PDZD2: variants seen among roughly 807,000 people sequenced by gnomAD.
PDZD2 encodes the protein PDZ domain containing 2.
A neutral mutation model predicts 220.7 loss-of-function variants in PDZD2; 90 were observed. That is an observed-to-expected ratio of 0.41 (90% confidence interval 0.34 to 0.49). The LOEUF (loss-of-function observed/expected upper bound fraction) is 0.49. Ranked by LOEUF, PDZD2 falls within the 20% of genes least tolerant of loss-of-function variation. The pLI, the probability that PDZD2 is intolerant of heterozygous loss-of-function variation, is 0.28. For synonymous variants in PDZD2, 1,375 were observed against 1,450.5 expected (o/e 0.95, Z 1.18); for missense variants, 3,174 against 3,608.5 (o/e 0.88, Z 3.08).
At chr5:32,101,294 T>G in intron 24 of PDZD2, 55 bp downstream of exon 24, 1 of 1,472,444 alleles carries the variant, frequency 6.8e-7, no homozygotes, top group Non-Finnish European at 9.2e-7. Flanking sequence ...TTTCCATGGA[T>G]GTCTCAATGA....
At chr5:31,699,002 G>A (rs745541888) in intron 1 of PDZD2, among the ~76,000 whole-genome samples, 50 of 152,160 alleles carry the variant, frequency 3.3e-4, no homozygotes, top group Admixed American at 2.2e-3. Context: ...AACCTGCTTT[G>A]GGGTTTGGTA....
intron 2 of PDZD2, among the ~76,000 whole-genome samples, chr5:31,808,742 T>C (rs1754893930): frequency 6.6e-6 from 1 of 152,126 alleles, no homozygotes; most frequent in African/African-American, 2.4e-5. Context: ...TTGGGGAGGC[T>C]GAGGCGGGTG....
intron 2 of PDZD2, chr5:31,840,795 T>C: frequency 6.3e-6 from 5 of 799,518 alleles, no homozygotes; most frequent in South Asian, 5.3e-5. Context: ...TCTTCCCGTT[T>C]TGCCATGGTG....
chr5:32,021,369 A>G (rs779800388), intron 6 of PDZD2, among the ~76,000 whole-genome samples: 1 of 151,902 alleles, frequency 6.6e-6, no homozygotes. Flanking sequence ...GGTTTAAGCA[A>G]TTCTCTTGTC....
chr5:32,067,514 C>T (rs1050321252), intron 14 of PDZD2, among the ~76,000 whole-genome samples: 7 of 152,192 alleles, frequency 4.6e-5, no homozygotes, highest in African/African-American at 1.7e-4. Flanking sequence ...TACCGTAAAG[C>T]ATTACATAAA....
At position 32,074,489 on chromosome 5, in the gene PDZD2, G is replaced by T; in HGVS notation, c.3383G>T (p.Cys1128Phe). Residue 1128 changes from cysteine (C) to phenylalanine (F), a missense_variant, in exon 18 of 25, where the codon TGC (cysteine) becomes TTC (phenylalanine). Transcript: ENST00000438447. ...CCAGTGGCCAGGGTAAGCCCCCACT[G>T]CAAGAGATCCGAGGCTGAGGCCAAG... Reference protein sequence around the residue: ...HRPVARVSPHCKRSEAEAKPS... With the variant: ...HRPVARVSPHFKRSEAEAKPS... The T allele has an allele frequency of 6.2e-7, 1 of 1,614,122 alleles. No individual in the cohort carries two copies. Among genetic ancestry groups the T allele is most frequent in the Non-Finnish European group, 8.5e-7 (1 of 1,179,940 alleles).
At chr5:31,823,465 C>A (rs1416884680) in intron 2 of PDZD2, among the ~76,000 whole-genome samples, 1 of 152,026 alleles carries the variant, frequency 6.6e-6, no homozygotes. Flanking sequence ...GAGACTCTGT[C>A]TCAAAACACA....
At chr5:31,787,678 A>C (rs1165724449) in intron 1 of PDZD2, 1 of 151,652 alleles carries the variant, frequency 6.6e-6, no homozygotes, top group Non-Finnish European at 1.5e-5. Context: ...GCCTGCCTTG[A>C]TGTTCATTTC....
chr5:31,986,118 A>G (rs981941851), intron 3 of PDZD2, among the ~76,000 whole-genome samples: 1 of 149,100 alleles, frequency 6.7e-6, no homozygotes, highest in Non-Finnish European at 1.5e-5. Context: ...TGGAGTCGCT[A>G]TTTGAAGACT....
chr5:31,894,376 G>C (rs1046337592), intron 2 of PDZD2, among the ~76,000 whole-genome samples: 2 of 152,046 alleles, frequency 1.3e-5, no homozygotes, highest in Non-Finnish European at 2.9e-5. Flanking sequence ...CTGGCACGGT[G>C]GGGTGTAGGA....
chr5:32,007,278 G>A lies in PDZD2; in HGVS notation c.1255-3052G>A, dbSNP rs576740177. Among the ~76,000 whole-genome samples, 142 of 151,780 alleles carry A rather than the reference G, an allele frequency of 9.4e-4. 4 individuals are homozygous for A. Among genetic ancestry groups the A allele is most frequent in the Non-Finnish European group, 3.5e-4 (24 of 67,954 alleles). On this transcript the variant is annotated intron_variant, in intron 5 of 24. Transcript: ENST00000438447. ...TCCACCCGCCACAGCCTCCCAAAGT[G>A]CTGGGATTACGGGTATGAGCCACTA...
chr5:32,043,744 C>T (rs1737651011), intron 7 of PDZD2, among the ~76,000 whole-genome samples: 1 of 152,058 alleles, frequency 6.6e-6, no homozygotes, highest in African/African-American at 2.4e-5. Context: ...TCTCGCGCCT[C>T]AGCCTCTTGA....
At chr5:31,922,963 G>C (rs1218507484) in intron 2 of PDZD2, among the ~76,000 whole-genome samples, 4 of 150,842 alleles carry the variant, frequency 2.7e-5, no homozygotes, top group African/African-American at 9.8e-5. Flanking sequence ...TATAGCCCCT[G>C]AGCCACCACG....
At chr5:31,820,435 CTTA>C (rs1755767089) in intron 2 of PDZD2, 1 of 152,170 alleles carries the variant, frequency 6.6e-6, no homozygotes, top group African/African-American at 2.4e-5. Flanking sequence ...CACGTTCCTC[CTTA>C]TTAAGTGGTC....
At chr5:32,013,322 CTTT>C (rs11428109) in intron 6 of PDZD2, among the ~76,000 whole-genome samples, 2 of 135,812 alleles carry the variant, frequency 1.5e-5, no homozygotes, top group Admixed American at 7.5e-5. Flanking sequence ...TCTGTGTTAT[CTTT>C]TTTTTTTTTT....
intron 1 of PDZD2, among the ~76,000 whole-genome samples, chr5:31,695,574 G>C (rs1747343588): frequency 6.6e-6 from 1 of 152,166 alleles, no homozygotes; most frequent in African/African-American, 2.4e-5. Flanking sequence ...ATTGAAATAT[G>C]AGTCGTCCTG....
chr5:31,765,039 T>C (rs1341690525), intron 1 of PDZD2, among the ~76,000 whole-genome samples: 1 of 151,384 alleles, frequency 6.6e-6, no homozygotes. Context: ...ATCACGCTAC[T>C]GCACTCCAGC....
Position 32,069,636 on chromosome 5 carries a change from C to G in PDZD2, c.2519C>G (p.Ser840Cys). Residue 840 changes from serine to cysteine, a missense_variant, in exon 15 of 25, where the codon TCC becomes TGC. Physicochemically the swap from Ser to Cys is moderately radical, Grantham distance 112 (BLOSUM62 -1). Around this residue, in one of 4 missense-constraint regions of PDZD2, gnomAD observed 1,861 missense variants for 2,001.0 expected, o/e 0.93. Transcript: ENST00000438447. ...STYQESKEAN[S>C]SPGLGTPLKS... ...TATCAGGAGAGCAAAGAGGCCAATT[C>G]CTCTCCTGGCTTAGGTACTGTAATC... is the stretch of plus-strand genomic sequence containing the variant. 2.6e-6 allele frequency: 4 copies of G among 1,528,472 alleles called. No individual in the cohort carries two copies. Among genetic ancestry groups the G allele is most frequent in the Admixed American group, 1.7e-5 (1 of 59,924 alleles). The allele number at this position is 1,528,472 out of a possible 1,614,324, so 94.7% of individuals were successfully genotyped here.
At chr5:31,689,280 TATATACATAC>T (rs1747001069) in intron 1 of PDZD2, among the ~76,000 whole-genome samples, 1 of 86,314 alleles carries the variant, frequency 1.2e-5, no homozygotes, top group African/African-American at 5.0e-5. Context: ...TATATACATA[TATATACATAC>T]ATATACATAT....
Sources: gnomAD v4.1 joint callset for allele counts (sites outside exome capture counted in the v4.1 genomes callset) on GRCh38, gnomAD v4.1.1 for gene constraint, gnomAD v4.1.1 regional missense constraint, MANE v1.5 for transcripts, NCBI Gene and HGNC (gene_info 2026-07-23, HGNC 2026-07-21) for gene names.